Variants in CBFA2T3 observed in about 807,000 individuals in gnomAD.
CBFA2T3 encodes the protein CBFA2/RUNX1 partner transcriptional co-repressor 3.
In CBFA2T3, 31 loss-of-function variants were observed where a neutral mutation model predicts 58.6. The observed-to-expected ratio is 0.53, with a 90% CI of 0.40 to 0.71. CBFA2T3 has a LOEUF of 0.71. Among genes scored for constraint, CBFA2T3 ranks in the 30% least tolerant of loss-of-function variants. The pLI is 0.00. For missense variants in CBFA2T3, 1,076 were observed against 963.1 expected, an observed-to-expected ratio of 1.12 and a Z score of -1.55; for synonymous variants, 531 against 421.9, an observed-to-expected ratio of 1.26 and a Z score of -3.17.
rs371303293 is a variant in CBFA2T3, at chr16:88,880,803, G to T, written c.1403-15C>A. The T allele has an allele frequency of 6.4e-7, 1 of 1,572,794 alleles. No homozygotes were observed. The highest frequency in any genetic ancestry group is 8.6e-7 in the Non-Finnish European group (1 of 1,158,738). On this transcript the variant is annotated splice_polypyrimidine_tract_variant and intron_variant, in intron 9 of 11. Transcript: ENST00000268679. ...GCGAGGCACGTCTGAAACAGGGGCC[G>T]GCGTCACACAGGATGGGCCACGCGG...
chr16:88,930,745 A>G (rs1162348944), intron 1 of CBFA2T3, among the ~76,000 whole-genome samples: 7 of 11,116 alleles, frequency 6.3e-4, no homozygotes, highest in African/African-American at 8.3e-4. Context: ...GAGATGGGGG[A>G]GGGGGCAGAC....
At chr16:88,947,173 C>A (rs1971925122) in intron 1 of CBFA2T3, among the ~76,000 whole-genome samples, 2 of 152,258 alleles carry the variant, frequency 1.3e-5, no homozygotes, top group Admixed American at 1.3e-4. Context: ...TAGGGACCCC[C>A]CACTAGGGAA....
intron 1 of CBFA2T3, among the ~76,000 whole-genome samples, chr16:88,903,661 G>GC (rs1730957848): frequency 1.6e-5 from 1 of 62,364 alleles, no homozygotes; most frequent in East Asian, 1.3e-3. Flanking sequence ...TTCCCGGCTG[G>GC]GGGGGGGGGC....
chr16:88,943,683 G>C (rs138153279), intron 1 of CBFA2T3, among the ~76,000 whole-genome samples: 1 of 152,184 alleles, frequency 6.6e-6, no homozygotes, highest in Non-Finnish European at 1.5e-5. Flanking sequence ...CGTGCTGTGC[G>C]GATGCTCCCG....
chr16:88,939,994 C>G (rs1217885640), intron 1 of CBFA2T3: 1 of 152,356 alleles, frequency 6.6e-6, no homozygotes, highest in Admixed American at 6.5e-5. Flanking sequence ...CTGGGAACCT[C>G]CTGTTCCTCG....
chr16:88,969,512 C>A (rs182539295), intron 1 of CBFA2T3, among the ~76,000 whole-genome samples: 1 of 152,214 alleles, frequency 6.6e-6, no homozygotes, highest in African/African-American at 2.4e-5. Flanking sequence ...AGGAGGGGCT[C>A]GCCGCCACCC....
intron 3 of CBFA2T3, among the ~76,000 whole-genome samples, chr16:88,897,162 C>G (rs192630504): frequency 1.3e-4 from 20 of 152,372 alleles, no homozygotes; most frequent in African/African-American, 4.8e-4. Context: ...GATTCACCAA[C>G]TTTGCCATCC....
At chr16:88,932,061 C>G (rs1971326335) in intron 1 of CBFA2T3, among the ~76,000 whole-genome samples, 3 of 152,290 alleles carry the variant, frequency 2.0e-5, no homozygotes, top group Admixed American at 2.0e-4. Flanking sequence ...CACACTCAGA[C>G]TTTACACACA....
At chr16:88,917,167 C>G (rs554808892) in intron 1 of CBFA2T3, among the ~76,000 whole-genome samples, 8 of 152,284 alleles carry the variant, frequency 5.3e-5, no homozygotes, top group African/African-American at 1.9e-4. Context: ...ACCCCAGGCC[C>G]GGGCTGCAGG....
intron 1 of CBFA2T3, among the ~76,000 whole-genome samples, chr16:88,956,274 G>A (rs1567633841): frequency 6.6e-6 from 1 of 152,282 alleles, no homozygotes; most frequent in African/African-American, 2.4e-5. Flanking sequence ...GCGAAGACCT[G>A]CATCACGGGA....
chr16:88,878,839 G>T (rs1203359351), intron 11 of CBFA2T3, among the ~76,000 whole-genome samples: 1 of 152,184 alleles, frequency 6.6e-6, no homozygotes, highest in Non-Finnish European at 1.5e-5. Flanking sequence ...CCAGCTACTT[G>T]GGAGGCTGAG....
chr16:88,931,733 C>A (rs982437482), intron 1 of CBFA2T3, among the ~76,000 whole-genome samples: 9 of 152,110 alleles, frequency 5.9e-5, no homozygotes, highest in African/African-American at 2.2e-4. Flanking sequence ...CTCTGGTCAC[C>A]CCAGTCCTGG....
chr16:88,922,642 C>G (rs573427200), intron 1 of CBFA2T3, among the ~76,000 whole-genome samples: 1 of 152,200 alleles, frequency 6.6e-6, no homozygotes, highest in Non-Finnish European at 1.5e-5. Context: ...CACCAATGCC[C>G]GGGACAGCAG....
intron 1 of CBFA2T3, among the ~76,000 whole-genome samples, chr16:88,954,265 GC>G (rs986985755): frequency 6.6e-6 from 1 of 152,060 alleles, no homozygotes; most frequent in African/African-American, 2.4e-5. Flanking sequence ...TACTCTGACA[GC>G]CCCCTTCCCC....
intron 1 of CBFA2T3, among the ~76,000 whole-genome samples, chr16:88,974,409 C>T (rs553743399): frequency 9.2e-5 from 14 of 152,184 alleles, no homozygotes; most frequent in East Asian, 5.8e-4. Flanking sequence ...GGCCCCCAGA[C>T]GGCGGCGTGT....
chr16:88,963,235 G>GGCCAGGGGTGGGCGCTCATCTTCT (rs1430398544), intron 1 of CBFA2T3, among the ~76,000 whole-genome samples: 4 of 100,604 alleles, frequency 4.0e-5, no homozygotes, highest in Non-Finnish European at 6.6e-5. Context: ...AGTGGGGGAA[G>GGCCAGGGGTGGGCGCTCATCTTCT]GCCAGGGGTG....
intron 1 of CBFA2T3, among the ~76,000 whole-genome samples, chr16:88,943,246 A>T (rs1225171531): frequency 6.6e-6 from 1 of 152,206 alleles, no homozygotes; most frequent in Non-Finnish European, 1.5e-5. Flanking sequence ...GTGGCTGCCC[A>T]CAGGGCCTGG....
chr16:88,970,525 G>A (rs1228860150), intron 1 of CBFA2T3, among the ~76,000 whole-genome samples: 2 of 152,212 alleles, frequency 1.3e-5, no homozygotes, highest in African/African-American at 4.8e-5. Context: ...TCTGATTTGT[G>A]TCCTCATCTG....
At chr16:88,931,142 G>A (rs1420509922) in intron 1 of CBFA2T3, among the ~76,000 whole-genome samples, 1 of 152,090 alleles carries the variant, frequency 6.6e-6, no homozygotes, top group Non-Finnish European at 1.5e-5. Context: ...GAGCCAGGCT[G>A]CCTCTTCCCT....
Sources: gnomAD v4.1 joint callset for allele counts (sites outside exome capture counted in the v4.1 genomes callset) on GRCh38, gnomAD v4.1.1 for gene constraint, MANE v1.5 for transcripts, NCBI Gene and HGNC (gene_info 2026-07-23, HGNC 2026-07-21) for gene names.